The following RXRA variants were observed in gnomAD, a reference collection of about 807,000 sequenced individuals.
RXRA encodes retinoid X receptor alpha.
A neutral mutation model predicts 44.5 loss-of-function variants in RXRA; 5 were observed. The ratio of observed to expected loss-of-function variants is 0.11; its 90% CI spans 0.06 to 0.24. The LOEUF (loss-of-function observed/expected upper bound fraction) is 0.24. RXRA is among the 10% of genes least tolerant of loss of function. RXRA has a pLI of 1.00. For synonymous variants in RXRA, 291 were observed against 271.4 expected (o/e 1.07, Z -0.71); for missense variants, 412 against 646.5 (o/e 0.64, Z 3.93).
Position 134,343,673 on chromosome 9 carries a change from G to A in RXRA, c.28+17014G>A, listed in dbSNP as rs1341245361. Among the ~76,000 whole-genome samples the A allele has an allele frequency of 5.9e-5, 9 of 152,150 alleles. No individual in the cohort carries two copies. Among genetic ancestry groups the A allele is most frequent in the African/African-American group, 2.2e-4 (9 of 41,420 alleles). On this transcript the variant is annotated intron_variant, in intron 1 of 9. Coordinates refer to ENST00000481739, the MANE Select transcript of RXRA (RefSeq NM_002957.6). This position sits in a 1 kb window ranked among gnomAD's most constrained non-coding sequence, Gnocchi z 4.1. ...GTCCCCATCTTGCTCAGTGGCCAGA[G>A]GAGAGACCGTGTGCACTTGGTGGAC...
Position 134,361,575 on chromosome 9 carries a change from C to T in RXRA, c.28+34916C>T, listed in dbSNP as rs180849326. 2.4e-4 allele frequency among the ~76,000 whole-genome samples: 36 copies of T among 152,332 alleles called. 1 individual carries two copies. The highest frequency in any genetic ancestry group is 2.1e-3 in the Admixed American group (32 of 15,306). On this transcript the variant is annotated intron_variant, in intron 1 of 9. Transcript: ENST00000481739. ...CCTGAGACTAAATGCCTCCAACGTG[C>T]GTGATTCATCAGGGCCTTCCACACC... is the stretch of plus-strand genomic sequence containing the variant.
chr9:134,361,606 T>G (rs1214938757), intron 1 of RXRA, among the ~76,000 whole-genome samples: 1 of 152,252 alleles, frequency 6.6e-6, no homozygotes, highest in East Asian at 1.9e-4. Context: ...ACACCGTCAG[T>G]GGCCGTCGCC....
chr9:134,379,294 C>T (rs1830604078), intron 1 of RXRA: 7 of 986,734 alleles, frequency 7.1e-6, no homozygotes, highest in East Asian at 1.1e-4. Flanking sequence ...TTGCCGAGGG[C>T]ACAGATGCCC....
intron 6 of RXRA, chr9:134,424,126 G>A (rs916027183): frequency 4.1e-6 from 4 of 980,834 alleles, no homozygotes; most frequent in East Asian, 2.3e-4. Context: ...TGGGGTGGTC[G>A]TGGTGGAGTG....
At chr9:134,335,551 C>G (rs1199581756) in intron 1 of RXRA, among the ~76,000 whole-genome samples, 6 of 152,166 alleles carry the variant, frequency 3.9e-5, no homozygotes, top group African/African-American at 1.4e-4. Context: ...CTCTGGCCTG[C>G]CCCTTGCTGG....
rs976364080 is a variant in RXRA, at chr9:134,409,660, C to T, written c.610+541C>T. On this transcript the variant is annotated intron_variant, in intron 4 of 9. Coordinates refer to ENST00000481739, the MANE Select transcript of RXRA (RefSeq NM_002957.6). The stretch of plus-strand genomic sequence containing the variant: ...ACCTGGGTCGGAGTCCCGGGCCCCA[C>T]AGGCACTGTGACTTCCCAGTCCTGG... Among the ~76,000 whole-genome samples, 6 of 152,262 alleles carry T rather than the reference C, an allele frequency of 3.9e-5. No individual in the cohort carries two copies. The South Asian group carries it at 1.0e-3, about 26-fold the overall frequency.
chr9:134,434,317 G>C, intron 9 of RXRA, 110 bp downstream of exon 9: 1 of 761,376 alleles, frequency 1.3e-6, no homozygotes, highest in Non-Finnish European at 2.2e-6. Flanking sequence ...CCCTCCCCAG[G>C]CCCAGCCCAT....
intron 1 of RXRA, among the ~76,000 whole-genome samples, chr9:134,383,999 G>A (rs1454920280): frequency 3.3e-5 from 5 of 152,282 alleles, no homozygotes; most frequent in South Asian, 2.1e-4. Context: ...GCATGTGCCT[G>A]TGGTACAGAC....
chr9:134,369,701 C>T (rs141236187), intron 1 of RXRA, among the ~76,000 whole-genome samples: 74 of 152,124 alleles, frequency 4.9e-4, no homozygotes, highest in African/African-American at 1.6e-3. Flanking sequence ...CTGACCTGCT[C>T]GGTGGCCTTG....
At chr9:134,414,806 C>A (rs1312527102) in intron 4 of RXRA, among the ~76,000 whole-genome samples, 1 of 152,226 alleles carries the variant, frequency 6.6e-6, no homozygotes, top group African/African-American at 2.4e-5. Flanking sequence ...TGGCTGAGAT[C>A]TGCGTGTGCG....
At chr9:134,368,054 A>T (rs1287915619) in intron 1 of RXRA, among the ~76,000 whole-genome samples, 6 of 152,232 alleles carry the variant, frequency 3.9e-5, no homozygotes, top group Non-Finnish European at 8.8e-5. Flanking sequence ...TGGAGGTGCC[A>T]GCTTGCAGGG....
chr9:134,375,974 C>G (rs964002351), intron 1 of RXRA, among the ~76,000 whole-genome samples: 11 of 150,000 alleles, frequency 7.3e-5, no homozygotes, highest in African/African-American at 2.2e-4. Context: ...GCTTCCCCCC[C>G]ACCCCACCCC....
intron 1 of RXRA, among the ~76,000 whole-genome samples, chr9:134,386,812 G>A (rs1215187533): frequency 6.6e-6 from 1 of 152,218 alleles, no homozygotes; most frequent in East Asian, 1.9e-4. Flanking sequence ...TCTGGGCTCT[G>A]GGCAAGGGTG....
intron 1 of RXRA, among the ~76,000 whole-genome samples, chr9:134,376,168 G>A (rs1435146460): frequency 2.0e-5 from 3 of 152,196 alleles, no homozygotes; most frequent in African/African-American, 7.2e-5. Flanking sequence ...GGAAGAAGGC[G>A]GCCCCTCTGC....
intron 5 of RXRA, among the ~76,000 whole-genome samples, chr9:134,418,913 G>A (rs1026826165): frequency 6.6e-6 from 1 of 152,202 alleles, no homozygotes; most frequent in South Asian, 2.1e-4. Flanking sequence ...TGAGGGTGGG[G>A]GTCTGCTCTT....
intron 1 of RXRA, among the ~76,000 whole-genome samples, chr9:134,330,976 G>T (rs1834995956): frequency 6.6e-6 from 1 of 152,210 alleles, no homozygotes; most frequent in Admixed American, 6.5e-5. Flanking sequence ...GTCAGGTGGG[G>T]CCAGGTTTCC....
At chr9:134,335,690 G>A (rs1554747194) in intron 1 of RXRA, among the ~76,000 whole-genome samples, 1 of 152,186 alleles carries the variant, frequency 6.6e-6, no homozygotes, top group African/African-American at 2.4e-5. Context: ...GCCGCCCCCA[G>A]CTGGCCTGAT....
chr9:134,347,335 C>T (rs554203298), intron 1 of RXRA, among the ~76,000 whole-genome samples: 11 of 152,356 alleles, frequency 7.2e-5, no homozygotes, highest in East Asian at 3.9e-4. Context: ...CGCCCTGCCG[C>T]GGTGTTGACC....
chr9:134,362,515 G>A (rs761844796), intron 1 of RXRA, among the ~76,000 whole-genome samples: 11 of 152,234 alleles, frequency 7.2e-5, no homozygotes, highest in African/African-American at 1.4e-4. Flanking sequence ...GGCAGGAGCC[G>A]AGTCTGCCTC....
Sources: gnomAD v4.1 joint callset for allele counts (sites outside exome capture counted in the v4.1 genomes callset) on GRCh38, gnomAD v4.1.1 for gene constraint, Gnocchi (gnomAD v3.1) non-coding constraint, MANE v1.5 for transcripts, NCBI Gene and HGNC (gene_info 2026-07-23, HGNC 2026-07-21) for gene names.